PTPRD: variants seen among roughly 807,000 people sequenced by gnomAD.
PTPRD encodes protein tyrosine phosphatase receptor type D.
PTPRD carries 34 observed loss-of-function variants against 214.5 expected under a neutral mutation model. The ratio of observed to expected loss-of-function variants is 0.16; its 90% confidence interval spans 0.12 to 0.21. PTPRD has a LOEUF of 0.21. PTPRD is among the 10% of genes least tolerant of loss of function. The pLI is 1.00. For synonymous variants in PTPRD, 1,128 were observed against 845.7 expected, an observed-to-expected ratio of 1.33 and a Z score of -5.79; for missense variants, 2,545 against 2,398.7, an observed-to-expected ratio of 1.06 and a Z score of -1.27.
chr9:9,154,575 G>A lies in PTPRD; in HGVS notation c.-143+28729C>T, dbSNP rs576947957. ...TTTAATCCAAATTATTTATATAAAG[G>A]ACTTATCCCCAAATTATTACATGAA... On this transcript the variant is annotated intron_variant, in intron 10 of 45. Coordinates refer to ENST00000381196, the MANE Select transcript of PTPRD (RefSeq NM_002839.4). Among the ~76,000 whole-genome samples, 3 of 152,036 alleles carry A rather than the reference G, an allele frequency of 2.0e-5. No individual in the cohort carries two copies. In the East Asian group the frequency reaches 5.8e-4, roughly 29 times the overall value.
chr9:10,510,025 A>C, intron 2 of PTPRD, among the ~76,000 whole-genome samples: 1 of 152,188 alleles, frequency 6.6e-6, no homozygotes, highest in Non-Finnish European at 1.5e-5. Context: ...TAATATATTT[A>C]ATACTTTGCT....
intron 12 of PTPRD, among the ~76,000 whole-genome samples, chr9:8,717,899 G>A (rs144877295): frequency 3.3e-5 from 5 of 152,290 alleles, no homozygotes; most frequent in African/African-American, 1.2e-4. Flanking sequence ...GTAGCATCCT[G>A]TGCATATATC....
At position 9,437,297 on chromosome 9, in the gene PTPRD, T is replaced by C. The variant is rs865870688; in HGVS notation, c.-236-39815A>G. ...TTAACTCTTCTTCTTGGAAGTTTTTTCAAAATGTATTATTACTTATTTTAC... is the reference window on the plus strand; with the variant it reads ...TTAACTCTTCTTCTTGGAAGTTTTTCCAAAATGTATTATTACTTATTTTAC... On this transcript the variant is annotated intron_variant, in intron 8 of 45. Transcript: ENST00000381196. Among the ~76,000 whole-genome samples, 16 of 152,296 alleles carry C rather than the reference T, an allele frequency of 1.1e-4. No individual in the cohort carries two copies. In the South Asian group the frequency reaches 3.3e-3, roughly 32 times the overall value.
intron 14 of PTPRD, among the ~76,000 whole-genome samples, chr9:8,619,118 T>C (rs114883449): frequency 1.6e-3 from 240 of 152,024 alleles, no homozygotes; most frequent in African/African-American, 5.5e-3. Context: ...AAATGATGTT[T>C]TGAACTATTA....
intron 39 of PTPRD, among the ~76,000 whole-genome samples, chr9:8,374,388 T>G (rs1028084769): frequency 6.6e-6 from 1 of 151,914 alleles, no homozygotes; most frequent in Non-Finnish European, 1.5e-5. Flanking sequence ...AGCACCTGAA[T>G]TAAAACCAAA....
chr9:8,450,938 G>A (rs973079725), intron 33 of PTPRD, among the ~76,000 whole-genome samples: 1 of 152,136 alleles, frequency 6.6e-6, no homozygotes, highest in African/African-American at 2.4e-5. Context: ...TTTACTGTGG[G>A]GGGGAAAAGG....
In PTPRD at chr9:10,133,863, A is replaced by AT. The variant is rs542786300; in HGVS notation, c.-544-100074dup. On this transcript the variant is annotated intron_variant, in intron 3 of 45. Coordinates refer to ENST00000381196, the MANE Select transcript of PTPRD (RefSeq NM_002839.4). ...CACTGTGCTTAGTGCTTGTTATGTG[A>AT]TTTTTTGTTGTTGGTAAAATGTGGT... Among the ~76,000 whole-genome samples, 43 of 152,180 alleles carry AT rather than the reference A, an allele frequency of 2.8e-4. No homozygotes were observed. The South Asian group carries it at 8.5e-3, about 30-fold the overall frequency.
chr9:8,804,436 A>G (rs534607360), intron 11 of PTPRD, among the ~76,000 whole-genome samples: 1 of 151,638 alleles, frequency 6.6e-6, no homozygotes, highest in Non-Finnish European at 1.5e-5. Context: ...CGTCTCTACA[A>G]AAAAAAATAA....
chr9:10,278,835 C>A (rs990397687), intron 3 of PTPRD, among the ~76,000 whole-genome samples: 1 of 151,788 alleles, frequency 6.6e-6, no homozygotes, highest in South Asian at 2.1e-4. Context: ...AGTGCAGTAG[C>A]GCGATCTCGG....
intron 3 of PTPRD, among the ~76,000 whole-genome samples, chr9:10,164,032 G>A (rs907738826): frequency 2.0e-5 from 3 of 151,320 alleles, no homozygotes; most frequent in Non-Finnish European, 4.4e-5. Context: ...AAGATCACTT[G>A]GCCTGAAGCA....
chr9:8,726,083 G>A (rs1461913267), intron 12 of PTPRD, among the ~76,000 whole-genome samples: 2 of 150,856 alleles, frequency 1.3e-5, no homozygotes, highest in African/African-American at 2.5e-5. Context: ...GAAGAAATAA[G>A]TGAAGCTAAA....
chr9:9,693,274 T>C (rs2097307580), intron 7 of PTPRD, among the ~76,000 whole-genome samples: 1 of 152,240 alleles, frequency 6.6e-6, no homozygotes, highest in Non-Finnish European at 1.5e-5. Context: ...GGGAGGAATC[T>C]GGTGAGAAGT....
intron 9 of PTPRD, among the ~76,000 whole-genome samples, chr9:9,257,415 G>A (rs1278021936): frequency 6.6e-6 from 1 of 152,028 alleles, no homozygotes; most frequent in East Asian, 2.0e-4. Context: ...CAAGCTCTTA[G>A]TCATCAAACT....
At chr9:10,385,468 C>A (rs542488978) in intron 2 of PTPRD, among the ~76,000 whole-genome samples, 1 of 151,416 alleles carries the variant, frequency 6.6e-6, no homozygotes, top group Admixed American at 6.6e-5. Context: ...ACTGAGAGAC[C>A]AATAAAAAAG....
intron 4 of PTPRD, among the ~76,000 whole-genome samples, chr9:9,939,216 G>C (rs1001464844): frequency 1.3e-5 from 2 of 152,122 alleles, no homozygotes; most frequent in African/African-American, 4.8e-5. Context: ...TTATAGGCTT[G>C]ACGAAAACCA....
At chr9:9,183,231 C>CTA (rs2099929286) in intron 10 of PTPRD, 73 bp downstream of exon 10, 1 of 151,938 alleles carries the variant, frequency 6.6e-6, no homozygotes, top group Non-Finnish European at 1.5e-5. Flanking sequence ...TTGAGTTGAA[C>CTA]TATACATCAG....
intron 9 of PTPRD, among the ~76,000 whole-genome samples, chr9:9,245,828 T>G (rs1322922905): frequency 1.3e-5 from 2 of 152,070 alleles, no homozygotes; most frequent in African/African-American, 4.8e-5. Flanking sequence ...GTTTGAATGT[T>G]TTTGGGAACC....
At chr9:8,983,692 AC>A (rs1205581637) in intron 11 of PTPRD, among the ~76,000 whole-genome samples, 2 of 150,636 alleles carry the variant, frequency 1.3e-5, no homozygotes, top group African/African-American at 4.9e-5. Context: ...TTTCTTTTTT[AC>A]TTTTTGTAGA....
intron 2 of PTPRD, among the ~76,000 whole-genome samples, chr9:10,418,052 C>T (rs1295464170): frequency 1.3e-5 from 2 of 151,500 alleles, no homozygotes; most frequent in Non-Finnish European, 2.9e-5. Context: ...CCATGAAAGA[C>T]AAACGATTAA....
Sources: allele counts gnomAD v4.1 joint callset (sites outside exome capture counted in the v4.1 genomes callset), GRCh38; gene constraint gnomAD v4.1.1; transcripts MANE v1.5; gene names NCBI Gene and HGNC (gene_info 2026-07-23, HGNC 2026-07-21).